Variants in MGME1 observed in about 807,000 individuals in gnomAD.
MGME1 encodes the protein chromosome 20 open reading frame 72.
MGME1 carries 22 observed loss-of-function variants against 33.0 expected under a neutral mutation model. The ratio of observed to expected loss-of-function variants is 0.67; its 90% CI spans 0.48 to 0.95. The LOEUF (loss-of-function observed/expected upper bound fraction) is 0.95. Ranked by LOEUF, MGME1 falls within the 40% of genes least tolerant of loss-of-function variation. The pLI is 0.00. For synonymous variants in MGME1, 133 were observed against 144.0 expected, an observed-to-expected ratio of 0.92 and a Z score of 0.55; for missense variants, 383 against 397.8, an observed-to-expected ratio of 0.96 and a Z score of 0.32.
intron 2 of MGME1, among the ~76,000 whole-genome samples, chr20:17,975,309 A>T (rs1412390907): frequency 6.6e-6 from 1 of 152,158 alleles, no homozygotes; most frequent in Non-Finnish European, 1.5e-5. Flanking sequence ...CTGTAGTCTC[A>T]GCACTTTGGG....
chr20:17,978,654 A>G (rs1488960888), intron 3 of MGME1, among the ~76,000 whole-genome samples: 1 of 152,150 alleles, frequency 6.6e-6, no homozygotes, highest in Non-Finnish European at 1.5e-5. Flanking sequence ...AGTTCCTGAC[A>G]CCCAATGCTT....
chr20:17,968,701 C>A, upstream of MGME1: 1 of 503,380 alleles, frequency 2.0e-6, no homozygotes, highest in Non-Finnish European at 3.6e-6. Context: ...GGGGCCTACC[C>A]TTGCTCCGCT....
intron 3 of MGME1, among the ~76,000 whole-genome samples, chr20:17,987,040 C>T (rs1277819105): frequency 2.6e-5 from 4 of 151,738 alleles, no homozygotes; most frequent in African/African-American, 7.3e-5. Context: ...ATTAGCTGGG[C>T]GAGGTGGCGC....
Position 17,988,141 on chromosome 20 carries a change from A to G in MGME1, c.732-25A>G, listed in dbSNP as rs759790673. On this transcript the variant is annotated intron_variant, in intron 3 of 4. Transcript: ENST00000377710. The stretch of plus-strand genomic sequence containing the variant: ...TTTTCATTGTGATCTATTACCTACA[A>G]AGTCTTCCTGTGGTTTCTCTTTAGG... 3.2e-4 allele frequency: 515 copies of G among 1,597,748 alleles called. No homozygotes were observed. The highest frequency in any genetic ancestry group is 4.3e-4 in the Non-Finnish European group (499 of 1,173,234).
chr20:17,975,554 C>CA (rs894514527), intron 2 of MGME1, 130 bp from the exon 3 acceptor site: 32,864 of 555,050 alleles, frequency 0.059, no homozygotes, highest in Non-Finnish European at 0.066. Context: ...AGACTCCATC[C>CA]AAAAAAAAAA....
rs985301187 is a variant in MGME1, at chr20:17,989,826, G to C, written c.865-113G>C. Reference sequence around the variant, plus strand: ...TCAACCTACCTTAGAAACTGAGTTAGGAGATATCCTGTAGATTATTTTATA... The same window carrying C: ...TCAACCTACCTTAGAAACTGAGTTACGAGATATCCTGTAGATTATTTTATA... On this transcript the variant is annotated intron_variant, in intron 4 of 4. Coordinates refer to ENST00000377710, the MANE Select transcript of MGME1 (RefSeq NM_052865.4). 6.5e-6 allele frequency: 6 copies of C among 923,258 alleles called. No individual in the cohort carries two copies. The African/African-American group carries it at 8.3e-5, about 13-fold the overall frequency. 57.2% of individuals were successfully genotyped at this position (923,258 alleles called of 1,614,324 possible). A position where few individuals can be genotyped will look rare whatever the true frequency, so the allele number is the denominator to read the frequency against.
intron 2 of MGME1, among the ~76,000 whole-genome samples, chr20:17,973,210 A>G (rs998475794): frequency 6.6e-6 from 1 of 152,110 alleles, no homozygotes; most frequent in African/African-American, 2.4e-5. Context: ...AGCCGGGCGC[A>G]GCGATCACTT....
chr20:17,977,690 C>T (rs1046946072), intron 3 of MGME1, among the ~76,000 whole-genome samples: 1 of 152,150 alleles, frequency 6.6e-6, no homozygotes, highest in Non-Finnish European at 1.5e-5. Flanking sequence ...CCTTCGTTCT[C>T]CAGATATCAG....
intron 3 of MGME1, among the ~76,000 whole-genome samples, chr20:17,979,920 T>TG (rs928247816): frequency 2.0e-5 from 3 of 152,080 alleles, no homozygotes; most frequent in African/African-American, 4.8e-5. Context: ...TTTGTAGATG[T>TG]GGGGTCTCAC....
chr20:17,990,393 A>G lies in MGME1; in HGVS notation c.*284A>G. On this transcript the variant is annotated 3_prime_UTR_variant, in exon 5 of 5. Coordinates refer to ENST00000377710, the MANE Select transcript of MGME1 (RefSeq NM_052865.4). ...GGGCAGTCATGCTGGTGACTCTTGT[A>G]CTCCCTTGAGGGACATTGGGGGGGG... The G allele has an allele frequency of 1.1e-5, 2 of 190,036 alleles. No homozygotes were observed. Among genetic ancestry groups the G allele is most frequent in the Non-Finnish European group, 9.7e-6 (1 of 103,372 alleles). The allele number at this position is 190,036 out of a possible 1,614,324, so 11.8% of individuals were successfully genotyped here. A position where few individuals can be genotyped will look rare whatever the true frequency, so the allele number is the denominator to read the frequency against.
chr20:17,981,836 A>G (rs902174597), intron 3 of MGME1, among the ~76,000 whole-genome samples: 1 of 151,674 alleles, frequency 6.6e-6, no homozygotes, highest in African/African-American at 2.4e-5. Context: ...TATTTTTAAT[A>G]GAGACAGGGT....
At chr20:17,985,623 C>A (rs2036136195) in intron 3 of MGME1, among the ~76,000 whole-genome samples, 1 of 152,236 alleles carries the variant, frequency 6.6e-6, no homozygotes, top group African/African-American at 2.4e-5. Flanking sequence ...AGAGCAACTT[C>A]TAGTCCTGCA....
At chr20:17,983,828 A>T (rs1359439335) in intron 3 of MGME1, among the ~76,000 whole-genome samples, 1 of 152,104 alleles carries the variant, frequency 6.6e-6, no homozygotes, top group Non-Finnish European at 1.5e-5. Flanking sequence ...TGAGTTCCTT[A>T]TATACTTTGG....
At chr20:17,968,699 C>T, upstream of MGME1, 2 of 505,102 alleles carry the variant, frequency 4.0e-6, no homozygotes, top group South Asian at 4.1e-5. Flanking sequence ...GTGGGGCCTA[C>T]CCTTGCTCCG....
At position 17,990,222 on chromosome 20, in the gene MGME1, C is replaced by A; in HGVS notation, c.*113C>A. The A allele has an allele frequency of 1.1e-6, 1 of 877,716 alleles. No homozygotes were observed. The highest frequency in any genetic ancestry group is 1.9e-6 in the Non-Finnish European group (1 of 536,118). The allele number at this position is 877,716 out of a possible 1,614,324, so 54.4% of individuals were successfully genotyped here. A position where few individuals can be genotyped will look rare whatever the true frequency, so the allele number is the denominator to read the frequency against. On this transcript the variant is annotated 3_prime_UTR_variant, in exon 5 of 5. Coordinates refer to ENST00000377710, the MANE Select transcript of MGME1 (RefSeq NM_052865.4). The stretch of plus-strand genomic sequence containing the variant: ...CCACTGGATCTGAGTGCTACACGAA[C>A]ACAAGTAGAAGTATTAATTTGTTGA...
At chr20:17,975,581 T>A in intron 2 of MGME1, 103 bp from the exon 3 acceptor site, 1 of 837,354 alleles carries the variant, frequency 1.2e-6, no homozygotes. Context: ...AAAAAAAATG[T>A]CATTTTTAAT....
intron 3 of MGME1, among the ~76,000 whole-genome samples, chr20:17,984,580 A>G (rs73901149): frequency 0.022 from 3,339 of 152,320 alleles, 133 homozygotes; most frequent in African/African-American, 0.077. Context: ...CTGGTATATA[A>G]CCAGCTTATA....
At chr20:17,976,957 G>A (rs756976285) in intron 3 of MGME1, among the ~76,000 whole-genome samples, 7 of 151,766 alleles carry the variant, frequency 4.6e-5, no homozygotes, top group African/African-American at 1.2e-4. Context: ...CACCACGCCC[G>A]GTCCCCATGG....
At position 17,988,249 on chromosome 20, in the gene MGME1, T is replaced by A. The variant is rs748032328; in HGVS notation, c.815T>A (p.Val272Asp). ...AGTACATTTGACAACCCACTGCAAGTTGTGGCATACATGGGTGCCATGAAC... is the reference window on the plus strand; with the variant it reads ...AGTACATTTGACAACCCACTGCAAGATGTGGCATACATGGGTGCCATGAAC... ...IQSTFDNPLQ[V>D]VAYMGAMNHD... is the part of the protein sequence containing the mutation. The change falls in exon 4 of 5, where the codon GTT becomes GAT. Residue 272 changes from valine (V) to aspartate (D), a missense_variant. Coordinates refer to ENST00000377710, the MANE Select transcript of MGME1 (RefSeq NM_052865.4). 16 of 1,614,152 alleles carry A rather than the reference T, an allele frequency of 9.9e-6. No homozygotes were observed. In the South Asian group the frequency reaches 1.5e-4, roughly 16 times the overall value.
Sources: gnomAD v4.1 joint callset for allele counts (sites outside exome capture counted in the v4.1 genomes callset) on GRCh38, gnomAD v4.1.1 for gene constraint, MANE v1.5 for transcripts, NCBI Gene and HGNC (gene_info 2026-07-23, HGNC 2026-07-21) for gene names.